The following LNP1 variants were observed in gnomAD, a reference collection of about 807,000 sequenced individuals.
LNP1 encodes leukemia NUP98 fusion partner 1.
LNP1 carries 12 observed loss-of-function variants against 14.5 expected under a neutral mutation model. The ratio of observed to expected loss-of-function variants is 0.83; its 90% CI spans 0.53 to 1.34. The LOEUF is 1.34. LNP1 is among the 40% of genes most tolerant of loss of function. The pLI is 0.00. For missense variants in LNP1, 198 were observed against 210.9 expected, an observed-to-expected ratio of 0.94 and a Z score of 0.38; for synonymous variants, 75 against 71.4, an observed-to-expected ratio of 1.05 and a Z score of -0.26.
intron 2 of LNP1, among the ~76,000 whole-genome samples, chr3:100,443,045 G>A (rs957485935): frequency 2.0e-5 from 3 of 152,152 alleles, no homozygotes; most frequent in African/African-American, 7.2e-5. Context: ...CAGTAGGCAG[G>A]TATTAGTGGC....
At chr3:100,441,477 T>C (rs1707343613) in intron 2 of LNP1, among the ~76,000 whole-genome samples, 2 of 152,328 alleles carry the variant, frequency 1.3e-5, no homozygotes, top group Non-Finnish European at 1.5e-5. Flanking sequence ...TTGATGTCAT[T>C]ATATTATATG....
chr3:100,407,687 C>G (rs1224551902), intron 1 of LNP1, among the ~76,000 whole-genome samples: 2 of 151,934 alleles, frequency 1.3e-5, no homozygotes, highest in South Asian at 2.1e-4. Flanking sequence ...CCTTTTACAC[C>G]CTTATCTTTC....
At chr3:100,441,007 G>T (rs1463218775) in intron 2 of LNP1, among the ~76,000 whole-genome samples, 1 of 152,198 alleles carries the variant, frequency 6.6e-6, no homozygotes, top group East Asian at 1.9e-4. Flanking sequence ...GCCAGTGCCT[G>T]CGCTACACAG....
chr3:100,452,403 T>C (rs1707469034), intron 3 of LNP1, among the ~76,000 whole-genome samples: 2 of 151,846 alleles, frequency 1.3e-5, no homozygotes, highest in Admixed American at 1.3e-4. Flanking sequence ...GACAGGGTCT[T>C]GTTATGTTGC....
chr3:100,429,104 G>A (rs1159499603), intron 1 of LNP1, among the ~76,000 whole-genome samples: 1 of 152,120 alleles, frequency 6.6e-6, no homozygotes, highest in Non-Finnish European at 1.5e-5. Context: ...ACACGTACTT[G>A]TATATTATTT....
At chr3:100,452,976 T>C (rs978176762) in intron 3 of LNP1, among the ~76,000 whole-genome samples, 3 of 152,170 alleles carry the variant, frequency 2.0e-5, no homozygotes, top group African/African-American at 2.4e-5. Context: ...GGAATAATAA[T>C]GGGTCACTGC....
chr3:100,409,542 CTATA>C, intron 1 of LNP1, among the ~76,000 whole-genome samples: 1 of 141,962 alleles, frequency 7.0e-6, no homozygotes, highest in Non-Finnish European at 1.5e-5. Flanking sequence ...CTCTCTCTCT[CTATA>C]TATATATACA....
chr3:100,437,267 A>C (rs551911494), intron 2 of LNP1, among the ~76,000 whole-genome samples: 2 of 152,326 alleles, frequency 1.3e-5, no homozygotes, highest in Non-Finnish European at 2.9e-5. Flanking sequence ...CTTCGGGATG[A>C]GTAAGACAAG....
chr3:100,443,895 A>C (rs572797785), intron 2 of LNP1, among the ~76,000 whole-genome samples: 12 of 152,212 alleles, frequency 7.9e-5, no homozygotes, highest in Admixed American at 2.0e-4. Flanking sequence ...ATATGCTCCA[A>C]ATTTTGTTCA....
At position 100,402,786 on chromosome 3, in the gene LNP1, AC is replaced by A. The variant is rs1364840635; in HGVS notation, c.-34+348del. 3.1e-4 allele frequency among the ~76,000 whole-genome samples: 47 copies of A among 152,268 alleles called. No individual in the cohort carries two copies. In the East Asian group the frequency reaches 8.5e-3, roughly 27 times the overall value. On this transcript the variant is annotated intron_variant, in intron 1 of 3. Coordinates refer to ENST00000383693, the MANE Select transcript of LNP1 (RefSeq NM_001085451.2). ...TTTCTTATTTATTGGAGTAAGCAAT[AC>A]ACTGTTACGGTTAAACTCCAAAAGT...
chr3:100,416,248 A>T (rs1221451122), intron 1 of LNP1, among the ~76,000 whole-genome samples: 1 of 152,154 alleles, frequency 6.6e-6, no homozygotes, highest in Non-Finnish European at 1.5e-5. Context: ...TTGAAATTCA[A>T]ACTGTTCCAT....
chr3:100,413,863 A>G (rs1297924087), intron 1 of LNP1, among the ~76,000 whole-genome samples: 1 of 152,220 alleles, frequency 6.6e-6, no homozygotes, highest in African/African-American at 2.4e-5. Flanking sequence ...ACTAGCAGCC[A>G]TGGTTATGCA....
chr3:100,441,916 C>T (rs931803358), intron 2 of LNP1, among the ~76,000 whole-genome samples: 16 of 152,078 alleles, frequency 1.1e-4, no homozygotes, highest in African/African-American at 3.1e-4. Context: ...CCACTCGCCT[C>T]GGCCTCTCAA....
At chr3:100,413,224 T>G (rs1322348333) in intron 1 of LNP1, among the ~76,000 whole-genome samples, 1 of 152,232 alleles carries the variant, frequency 6.6e-6, no homozygotes, top group Non-Finnish European at 1.5e-5. Flanking sequence ...TGTATCTCAT[T>G]TATGATATAT....
At chr3:100,454,420 T>A (rs2148909343) in intron 3 of LNP1, among the ~76,000 whole-genome samples, 1 of 152,304 alleles carries the variant, frequency 6.6e-6, no homozygotes, top group Non-Finnish European at 1.5e-5. Flanking sequence ...GCTAACTACA[T>A]TAGAAAGTGT....
At position 100,456,047 on chromosome 3, in the gene LNP1, C is replaced by A; in HGVS notation, c.*121C>A. ...TGGGGGTAAAAACAGCTATAAAAAG[C>A]AACTGCAGATGCTGACTGACTGCAG... On this transcript the variant is annotated 3_prime_UTR_variant, in exon 4 of 4. Transcript: ENST00000383693. The A allele has an allele frequency of 9.6e-7, 1 of 1,039,392 alleles. No individual in the cohort carries two copies. Among genetic ancestry groups the A allele is most frequent in the Non-Finnish European group, 1.4e-6 (1 of 705,834 alleles). 64.4% of individuals were successfully genotyped at this position (1,039,392 alleles called of 1,614,324 possible).
intron 1 of LNP1, among the ~76,000 whole-genome samples, chr3:100,406,223 T>G (rs1706964365): frequency 6.6e-6 from 1 of 151,522 alleles, no homozygotes; most frequent in South Asian, 2.1e-4. Flanking sequence ...GAGGCGGAGG[T>G]TGCAGTGAGC....
chr3:100,447,113 G>C (rs550469775), intron 2 of LNP1, among the ~76,000 whole-genome samples: 1 of 152,256 alleles, frequency 6.6e-6, no homozygotes, highest in East Asian at 1.9e-4. Flanking sequence ...ATACCTGAGG[G>C]ATTATAAATC....
chr3:100,445,759 T>G (rs997513160), intron 2 of LNP1, among the ~76,000 whole-genome samples: 4 of 152,126 alleles, frequency 2.6e-5, no homozygotes, highest in African/African-American at 9.7e-5. Flanking sequence ...AGTCTCAGTA[T>G]ACAAAATCTA....
Sources: gnomAD v4.1 joint callset for allele counts (sites outside exome capture counted in the v4.1 genomes callset) on GRCh38, gnomAD v4.1.1 for gene constraint, MANE v1.5 for transcripts, NCBI Gene and HGNC (gene_info 2026-07-23, HGNC 2026-07-21) for gene names.